KALRN: variants seen among roughly 807,000 people sequenced by gnomAD.
KALRN encodes the protein kalirin RhoGEF kinase, also known as kalirin.
Under a neutral mutation model 353.7 loss-of-function variants are expected in KALRN, and 70 were observed. That is an observed-to-expected ratio of 0.20 (90% CI 0.16 to 0.24). The LOEUF (loss-of-function observed/expected upper bound fraction) is 0.24, where lower values mean the gene tolerates loss of function less well. Among genes scored for constraint, KALRN ranks in the 10% least tolerant of loss-of-function variants. The pLI is 1.00. For synonymous variants in KALRN, 1,391 were observed against 1,434.8 expected, an observed-to-expected ratio of 0.97 and a Z score of 0.69; for missense variants, 2,791 against 3,756.7, an observed-to-expected ratio of 0.74 and a Z score of 6.72.
In KALRN at chr3:124,456,680, C is replaced by G. The variant is rs776667972; in HGVS notation, c.3806C>G (p.Ala1269Gly). ...GATCGGGAGGTCAAGCTGCGGGACG[C>G]CAACCACGAAGTCAATGAAGAGAAG... is the stretch of plus-strand genomic sequence containing the variant. ...LSDREVKLRDANHEVNEEKRK... is the reference protein window; with the variant it reads ...LSDREVKLRDGNHEVNEEKRK... The change falls in exon 23 of 60, where the codon GCC (alanine) becomes GGC (glycine). Residue 1269 changes from alanine (A) to glycine (G), a missense_variant. By Grantham distance (60) the Ala-to-Gly change is moderately conservative (BLOSUM62 0). Transcript: ENST00000682506. 3.0e-5 allele frequency: 49 copies of G among 1,613,172 alleles called. No homozygotes were observed. The South Asian group carries it at 4.0e-4, about 13-fold the overall frequency.
intron 15 of KALRN, among the ~76,000 whole-genome samples, chr3:124,429,109 A>G (rs1326355996): frequency 6.6e-6 from 1 of 152,224 alleles, no homozygotes. Flanking sequence ...AACCAGCCAC[A>G]GTCCACCAGT....
At chr3:124,216,081 C>A (rs1028916553) in intron 1 of KALRN, among the ~76,000 whole-genome samples, 1 of 152,216 alleles carries the variant, frequency 6.6e-6, no homozygotes, top group African/African-American at 2.4e-5. Flanking sequence ...AACCTCAGTT[C>A]TTCCAGCTCT....
At position 124,650,886 on chromosome 3, in the gene KALRN, C is replaced by T; in HGVS notation, c.5743C>T (p.Pro1915Ser). The T allele has an allele frequency of 4.3e-6, 7 of 1,614,192 alleles. No individual in the cohort carries two copies. The highest frequency in any genetic ancestry group is 5.9e-6 in the Non-Finnish European group (7 of 1,180,030). ...GAATGAGGGGATGGCCCCACCCACA[C>T]CTCCTAAAAACCCAGAAGAAGAACA... The part of the protein sequence containing the change: ...CLNEGMAPPT[P>S]PKNPEEEQKA... The change falls in exon 38 of 60, where the codon CCT becomes TCT. Residue 1915 changes from proline (P) to serine (S), a missense_variant. By Grantham distance (74) the Pro-to-Ser change is moderately conservative. Transcript: ENST00000682506.
chr3:124,328,231 G>A (rs2080127280), intron 7 of KALRN, among the ~76,000 whole-genome samples: 1 of 152,192 alleles, frequency 6.6e-6, no homozygotes, highest in Non-Finnish European at 1.5e-5. Context: ...GTTGGTGGTA[G>A]TGACTGATAG....
intron 33 of KALRN, among the ~76,000 whole-genome samples, chr3:124,503,865 C>T (rs1462035526): frequency 6.6e-6 from 1 of 152,184 alleles, no homozygotes; most frequent in Non-Finnish European, 1.5e-5. Flanking sequence ...AACCTAGGTT[C>T]ACAGGGCAAA....
rs566388929 is a variant in KALRN at position 124,384,701 on chromosome 3, C to T, written c.1771-144C>T. 3 of 724,114 alleles carry T rather than the reference C, an allele frequency of 4.1e-6. No homozygotes were observed. The South Asian group carries it at 7.4e-5, about 18-fold the overall frequency. 44.9% of individuals were successfully genotyped at this position (724,114 alleles called of 1,614,324 possible). On this transcript the variant is annotated intron_variant, in intron 10 of 59. Transcript: ENST00000682506. ...CGCTTGCTGAGAGGCGGCGTGCCAG[C>T]TCCGCGCACCGCGCCTCAGTGCCAG...
chr3:124,488,588 C>A, intron 29 of KALRN: 1 of 356,262 alleles, frequency 2.8e-6, no homozygotes, highest in Non-Finnish European at 5.2e-6. Context: ...GGCCATCACC[C>A]TCACTGTTGA....
At chr3:124,567,695 A>G (rs1027441502) in intron 34 of KALRN, among the ~76,000 whole-genome samples, 8 of 152,152 alleles carry the variant, frequency 5.3e-5, no homozygotes, top group Non-Finnish European at 1.0e-4. Context: ...TGCACCTTAG[A>G]AACCACCTGG....
chr3:124,690,230 A>C (rs532885085), intron 51 of KALRN, among the ~76,000 whole-genome samples: 5 of 152,198 alleles, frequency 3.3e-5, no homozygotes, highest in Non-Finnish European at 7.3e-5. Context: ...AGTAATAATA[A>C]ATAAAACAAT....
At chr3:124,646,634 GC>G (rs1241078551) in intron 37 of KALRN, among the ~76,000 whole-genome samples, 1 of 150,730 alleles carries the variant, frequency 6.6e-6, no homozygotes, top group East Asian at 1.9e-4. Flanking sequence ...CAGGTTATCT[GC>G]CCCCCTCGGC....
chr3:124,291,917 C>G (rs764182580), intron 5 of KALRN, among the ~76,000 whole-genome samples: 3 of 152,204 alleles, frequency 2.0e-5, no homozygotes, highest in Non-Finnish European at 2.9e-5. Flanking sequence ...TACAGCCTCT[C>G]AGGCCCATAT....
intron 33 of KALRN, among the ~76,000 whole-genome samples, chr3:124,541,698 C>T (rs959752466): frequency 6.7e-5 from 10 of 148,850 alleles, no homozygotes; most frequent in Admixed American, 3.4e-4. Context: ...ACCTGGCCAA[C>T]GTGGTGAAAC....
At chr3:124,262,432 G>A (rs886280410) in intron 3 of KALRN, among the ~76,000 whole-genome samples, 2 of 152,186 alleles carry the variant, frequency 1.3e-5, no homozygotes, top group Non-Finnish European at 1.5e-5. Flanking sequence ...AAGAAATCCT[G>A]TAATTTGGAG....
chr3:124,704,773 C>T (rs2062517670), intron 57 of KALRN, among the ~76,000 whole-genome samples: 2 of 152,156 alleles, frequency 1.3e-5, no homozygotes, highest in Non-Finnish European at 2.9e-5. Flanking sequence ...TAATCTCAAA[C>T]TCCTGAGCTC....
intron 33 of KALRN, among the ~76,000 whole-genome samples, chr3:124,498,480 G>A (rs930419751): frequency 3.3e-5 from 5 of 152,152 alleles, no homozygotes; most frequent in Non-Finnish European, 7.3e-5. Context: ...ATAAATAGAG[G>A]GGGCAAAATG....
chr3:124,322,702 C>G (rs1033206396), intron 6 of KALRN, among the ~76,000 whole-genome samples: 1 of 152,202 alleles, frequency 6.6e-6, no homozygotes, highest in Non-Finnish European at 1.5e-5. Flanking sequence ...TGAGTAAGCA[C>G]TCCTATTTAT....
intron 4 of KALRN, among the ~76,000 whole-genome samples, chr3:124,268,255 G>C (rs2073793084): frequency 6.6e-6 from 1 of 152,124 alleles, no homozygotes; most frequent in Non-Finnish European, 1.5e-5. Flanking sequence ...AGCTAAAAGG[G>C]AGAGCCTTGG....
intron 9 of KALRN, among the ~76,000 whole-genome samples, chr3:124,344,431 T>C (rs1389090143): frequency 6.6e-6 from 1 of 152,218 alleles, no homozygotes; most frequent in Non-Finnish European, 1.5e-5. Context: ...GGAATCAGGG[T>C]CCAGACAGTA....
intron 1 of KALRN, among the ~76,000 whole-genome samples, chr3:124,127,300 T>G (rs1049106557): frequency 6.6e-6 from 1 of 152,236 alleles, no homozygotes. Flanking sequence ...AAATAGATGT[T>G]TCTGAGAATA....
Sources: gnomAD v4.1 joint callset for allele counts (sites outside exome capture counted in the v4.1 genomes callset) on GRCh38, gnomAD v4.1.1 for gene constraint, MANE v1.5 for transcripts, NCBI Gene and HGNC (gene_info 2026-07-23, HGNC 2026-07-21) for gene names.